ADAMTSL1: variants seen among roughly 807,000 people sequenced by gnomAD.
The protein encoded by ADAMTSL1 is ADAMTS like 1.
In ADAMTSL1, 126 loss-of-function variants were observed where a neutral mutation model predicts 201.8. That is an observed-to-expected ratio of 0.62 (90% CI 0.54 to 0.72). The LOEUF (loss-of-function observed/expected upper bound fraction) is 0.72. Among genes scored for constraint, ADAMTSL1 ranks in the 30% least tolerant of loss-of-function variants. ADAMTSL1 has a pLI of 0.00. For missense variants in ADAMTSL1, 2,679 were observed against 2,277.8 expected, an observed-to-expected ratio of 1.18 and a Z score of -3.59; for synonymous variants, 1,121 against 903.4, an observed-to-expected ratio of 1.24 and a Z score of -4.32.
At chr9:18,816,890 T>C (rs961320212) in intron 20 of ADAMTSL1, among the ~76,000 whole-genome samples, 1 of 152,164 alleles carries the variant, frequency 6.6e-6, no homozygotes. Context: ...ATATCCATCA[T>C]TGCAAACATT....
chr9:18,005,680 G>A (rs186436776), intron 1 of ADAMTSL1, among the ~76,000 whole-genome samples: 2 of 152,178 alleles, frequency 1.3e-5, no homozygotes, highest in East Asian at 3.9e-4. Flanking sequence ...ATCACATCTG[G>A]TAGACAGTGA....
chr9:17,967,858 T>G (rs780961152), intron 1 of ADAMTSL1, among the ~76,000 whole-genome samples: 19 of 152,118 alleles, frequency 1.2e-4, no homozygotes, highest in Non-Finnish European at 1.9e-4. Flanking sequence ...GTCCAAGGTC[T>G]TCTTCTGTTT....
intron 20 of ADAMTSL1, among the ~76,000 whole-genome samples, chr9:18,810,642 T>G (rs1398796483): frequency 6.6e-6 from 1 of 152,188 alleles, no homozygotes; most frequent in African/African-American, 2.4e-5. Context: ...GAATATGATC[T>G]CATGGGGACC....
intron 4 of ADAMTSL1, among the ~76,000 whole-genome samples, chr9:18,592,313 T>G (rs1046501317): frequency 3.3e-5 from 5 of 152,100 alleles, no homozygotes; most frequent in African/African-American, 9.7e-5. Context: ...CAAGAAATGG[T>G]TCCTTGTTGT....
chr9:18,135,028 T>C (rs961422087), intron 1 of ADAMTSL1, among the ~76,000 whole-genome samples: 1 of 152,198 alleles, frequency 6.6e-6, no homozygotes, highest in Non-Finnish European at 1.5e-5. Context: ...GAATCAATAC[T>C]GCCATTGCCT....
intron 2 of ADAMTSL1, among the ~76,000 whole-genome samples, chr9:18,269,153 A>C (rs1587434308): frequency 6.6e-6 from 1 of 152,264 alleles, no homozygotes; most frequent in South Asian, 2.1e-4. Context: ...TACAAAGACT[A>C]TTCTATAAAG....
chr9:18,657,062 C>G (rs956797163), intron 7 of ADAMTSL1, among the ~76,000 whole-genome samples: 1 of 152,180 alleles, frequency 6.6e-6, no homozygotes, highest in Admixed American at 6.5e-5. Flanking sequence ...AAACCATCAA[C>G]ATTTGAATTA....
chr9:18,094,793 C>T (rs1233675667), intron 1 of ADAMTSL1, among the ~76,000 whole-genome samples: 1 of 151,394 alleles, frequency 6.6e-6, no homozygotes, highest in Admixed American at 6.6e-5. Flanking sequence ...CTCTCAATCT[C>T]CTGACCTCCT....
At chr9:18,628,986 C>T (rs1434176288) in intron 5 of ADAMTSL1, among the ~76,000 whole-genome samples, 2 of 152,202 alleles carry the variant, frequency 1.3e-5, no homozygotes, top group African/African-American at 4.8e-5. Flanking sequence ...GCCTCAGCCT[C>T]CCAAGTAGCT....
chr9:18,497,030 A>G (rs1454601729), intron 1 of ADAMTSL1, among the ~76,000 whole-genome samples: 1 of 152,166 alleles, frequency 6.6e-6, no homozygotes, highest in Non-Finnish European at 1.5e-5. Flanking sequence ...CTAGGGGGTG[A>G]TTCTTCACTG....
At chr9:18,220,146 CA>C (rs1209609035) in intron 2 of ADAMTSL1, among the ~76,000 whole-genome samples, 15 of 152,224 alleles carry the variant, frequency 9.9e-5, no homozygotes, top group Admixed American at 2.0e-4. Flanking sequence ...TTGCCAAGAT[CA>C]AATTCGTATC....
Position 18,908,806 on chromosome 9 carries a change from A to G in ADAMTSL1, c.*258A>G, listed in dbSNP as rs1830453435. 2.6e-6 allele frequency: 1 copy of G among 379,398 alleles called. No homozygotes were observed. Among genetic ancestry groups the G allele is most frequent in the East Asian group, 5.8e-5 (1 of 17,348 alleles). The allele number at this position is 379,398 out of a possible 1,614,324, so 23.5% of individuals were successfully genotyped here. On this transcript the variant is annotated 3_prime_UTR_variant, in exon 29 of 29. Transcript: ENST00000380548. ...AGGTTGCAGAGCAGGCCAGGCAGAC[A>G]GTGGGGGCTCCCTTGAAGAGCTTCC...
intron 2 of ADAMTSL1, among the ~76,000 whole-genome samples, chr9:18,452,221 C>A (rs951703081): frequency 6.6e-6 from 1 of 152,108 alleles, no homozygotes; most frequent in Non-Finnish European, 1.5e-5. Flanking sequence ...CCCCAAGCTC[C>A]CATTTATAAC....
chr9:18,858,318 C>T (rs1025501482), intron 23 of ADAMTSL1, among the ~76,000 whole-genome samples: 1 of 152,116 alleles, frequency 6.6e-6, no homozygotes, highest in African/African-American at 2.4e-5. Flanking sequence ...ATGCTGTCCT[C>T]GCCTCACTCA....
At chr9:18,110,026 C>G (rs1326358390) in intron 1 of ADAMTSL1, among the ~76,000 whole-genome samples, 2 of 152,190 alleles carry the variant, frequency 1.3e-5, no homozygotes, top group African/African-American at 4.8e-5. Context: ...TGAGGTTAAG[C>G]TACTCCCCAA....
intron 1 of ADAMTSL1, among the ~76,000 whole-genome samples, chr9:18,022,391 T>A (rs542892088): frequency 1.3e-5 from 2 of 152,254 alleles, no homozygotes; most frequent in East Asian, 3.9e-4. Context: ...TATTTAAGGG[T>A]GGACACCCCA....
Position 18,644,478 on chromosome 9 carries a change from C to G in ADAMTSL1, c.834+5067C>G, listed in dbSNP as rs1045031174. Among the ~76,000 whole-genome samples, 17 of 151,896 alleles carry G rather than the reference C, an allele frequency of 1.1e-4. No homozygotes were observed. In the South Asian group the frequency reaches 1.9e-3, roughly 17 times the overall value. Reference sequence around the variant, plus strand: ...TGTATACATGTGGCATGCTGGTGTGCTGCACCCATTAACTTGTCATTTGGT... The same window carrying G: ...TGTATACATGTGGCATGCTGGTGTGGTGCACCCATTAACTTGTCATTTGGT... On this transcript the variant is annotated intron_variant, in intron 7 of 28. Transcript: ENST00000380548.
intron 18 of ADAMTSL1, 135 bp from the exon 19 acceptor site, chr9:18,776,646 C>T (rs1367043271): frequency 1.9e-6 from 2 of 1,053,606 alleles, no homozygotes; most frequent in Non-Finnish European, 1.3e-6. Flanking sequence ...CTCTCCCGTC[C>T]TCCGGCACCT....
At chr9:18,752,952 G>T (rs1239476635) in intron 15 of ADAMTSL1, among the ~76,000 whole-genome samples, 1 of 152,182 alleles carries the variant, frequency 6.6e-6, no homozygotes, top group Non-Finnish European at 1.5e-5. Context: ...AGTATGTGGT[G>T]CCCAAAGCCT....
Sources: gnomAD v4.1 joint callset for allele counts (sites outside exome capture counted in the v4.1 genomes callset) on GRCh38, gnomAD v4.1.1 for gene constraint, MANE v1.5 for transcripts, NCBI Gene and HGNC (gene_info 2026-07-23, HGNC 2026-07-21) for gene names.